SH3BP5: variants seen among roughly 807,000 people sequenced by gnomAD.
The protein encoded by SH3BP5 is SH3 domain-binding protein 5.
Under a neutral mutation model 43.3 loss-of-function variants are expected in SH3BP5, and 22 were observed. The observed-to-expected ratio is 0.51, with a 90% CI of 0.36 to 0.73. SH3BP5 has a LOEUF of 0.73. Among genes scored for constraint, SH3BP5 ranks in the 30% least tolerant of loss-of-function variants. SH3BP5 has a pLI of 0.00. For synonymous variants in SH3BP5, 255 were observed against 225.8 expected (o/e 1.13, Z -1.16); for missense variants, 529 against 586.9 (o/e 0.90, Z 1.02).
chr3:15,296,930 C>T (rs1697593761), intron 3 of SH3BP5, among the ~76,000 whole-genome samples: 1 of 151,392 alleles, frequency 6.6e-6, no homozygotes, highest in Non-Finnish European at 1.5e-5. Context: ...CTCCTGGGCT[C>T]AAGCAATCCT....
intron 2 of SH3BP5, among the ~76,000 whole-genome samples, chr3:15,307,637 G>C (rs1398014598): frequency 6.6e-6 from 1 of 152,216 alleles, no homozygotes; most frequent in African/African-American, 2.4e-5. Flanking sequence ...GGTATAAAAA[G>C]AGACCCTGAG....
chr3:15,282,845 C>T, intron 3 of SH3BP5, among the ~76,000 whole-genome samples: 1 of 151,958 alleles, frequency 6.6e-6, no homozygotes, highest in Admixed American at 6.6e-5. Context: ...ACCTGATTGG[C>T]AAGAGGTTAA....
chr3:15,306,549 G>A (rs1371671919), intron 2 of SH3BP5, among the ~76,000 whole-genome samples: 1 of 151,800 alleles, frequency 6.6e-6, no homozygotes, highest in East Asian at 1.9e-4. Context: ...AAGGGGAAGT[G>A]GATACTCCAA....
At chr3:15,258,640 G>C in intron 7 of SH3BP5, 191 bp downstream of exon 7, 1 of 577,094 alleles carries the variant, frequency 1.7e-6, no homozygotes. Context: ...ACAGAATCCT[G>C]ACTTTGAGGA....
intron 3 of SH3BP5, among the ~76,000 whole-genome samples, chr3:15,288,271 G>A (rs914694655): frequency 1.3e-5 from 2 of 152,260 alleles, no homozygotes; most frequent in East Asian, 1.9e-4. Context: ...AAACACCCTC[G>A]CAGTAACAAC....
rs559482302 is a variant in SH3BP5, at chr3:15,288,413, G to A, written c.330+15690C>T. Among the ~76,000 whole-genome samples, 55 of 152,300 alleles carry A rather than the reference G, an allele frequency of 3.6e-4. No homozygotes were observed. In the South Asian group the frequency reaches 6.2e-3, roughly 17 times the overall value. ...CTCACTTTGGTAAGATAATTCAGCC[G>A]GGAGGCAGTAGGGAGGGATGGAGGT... On this transcript the variant is annotated intron_variant, in intron 3 of 8. Transcript: ENST00000383791.
At position 15,292,576 on chromosome 3, in the gene SH3BP5, C is replaced by T. The variant is rs372800797; in HGVS notation, c.330+11527G>A. Reference sequence around the variant, plus strand: ...CAGAAAAGAAAACCTAAGCCAGGCGCGGTGGCTCATGCCTGTAATCCCAGC... The same window carrying T: ...CAGAAAAGAAAACCTAAGCCAGGCGTGGTGGCTCATGCCTGTAATCCCAGC... On this transcript the variant is annotated intron_variant, in intron 3 of 8. Transcript: ENST00000383791. 1.8e-4 allele frequency among the ~76,000 whole-genome samples: 27 copies of T among 152,260 alleles called. No homozygotes were observed. The East Asian group carries it at 2.3e-3, about 13-fold the overall frequency.
chr3:15,336,359 G>A (rs1202357504), upstream of SH3BP5, among the ~76,000 whole-genome samples: 1 of 152,114 alleles, frequency 6.6e-6, no homozygotes, highest in Non-Finnish European at 1.5e-5. Context: ...AGATGCTTTA[G>A]GTCATGGTAA....
intron 3 of SH3BP5, chr3:15,273,402 A>G (rs1475284919): frequency 3.0e-6 from 3 of 985,284 alleles, no homozygotes; most frequent in Non-Finnish European, 3.6e-6. Flanking sequence ...AGAGAACCAG[A>G]TCTCTACAAA....
At chr3:15,280,408 G>A (rs1036748645) in intron 3 of SH3BP5, among the ~76,000 whole-genome samples, 3 of 152,052 alleles carry the variant, frequency 2.0e-5, no homozygotes, top group African/African-American at 4.8e-5. Flanking sequence ...AGCACCCCAG[G>A]GTACCACCAC....
intron 2 of SH3BP5, among the ~76,000 whole-genome samples, chr3:15,314,900 C>T (rs1698148921): frequency 6.6e-6 from 1 of 152,172 alleles, no homozygotes; most frequent in Non-Finnish European, 1.5e-5. Flanking sequence ...AGACCTGCTA[C>T]TTCCTTCTGT....
At chr3:15,274,154 G>A (rs979892325) in intron 3 of SH3BP5, among the ~76,000 whole-genome samples, 3 of 152,018 alleles carry the variant, frequency 2.0e-5, no homozygotes, top group African/African-American at 7.3e-5. Context: ...GCTGAGGCAG[G>A]AGAATCACCT....
intron 2 of SH3BP5, among the ~76,000 whole-genome samples, chr3:15,305,739 C>T (rs898641500): frequency 3.3e-5 from 5 of 152,078 alleles, no homozygotes; most frequent in Admixed American, 6.5e-5. Context: ...GGCCGGAGGT[C>T]TGGAATGTGG....
intron 2 of SH3BP5, among the ~76,000 whole-genome samples, chr3:15,316,867 A>C (rs1248419470): frequency 6.6e-6 from 1 of 152,252 alleles, no homozygotes; most frequent in Non-Finnish European, 1.5e-5. Context: ...ACAACCCTGC[A>C]TGCACATAAG....
At position 15,296,876 on chromosome 3, in the gene SH3BP5, AAAAAG is replaced by A. The variant is rs1195210547; in HGVS notation, c.330+7222_330+7226del. 1.0e-3 allele frequency among the ~76,000 whole-genome samples: 156 copies of A among 149,880 alleles called. 2 individuals are homozygous for A. The highest frequency in any genetic ancestry group is 0.01 in the Middle Eastern group (3 of 294). ...GTCTGGCTTCTTAAAAAAAAAAAAA[AAAAAG>A]AAATGGTGTCTCACCATGTTGCCCA... On this transcript the variant is annotated intron_variant, in intron 3 of 8. Transcript: ENST00000383791.
At chr3:15,293,827 C>G (rs1271977949) in intron 3 of SH3BP5, among the ~76,000 whole-genome samples, 4 of 152,058 alleles carry the variant, frequency 2.6e-5, no homozygotes, top group Non-Finnish European at 5.9e-5. Context: ...CCTGTAATCC[C>G]AGCACTTTGG....
In SH3BP5 at chr3:15,262,275, C is replaced by T. The variant is rs776277025; in HGVS notation, c.510G>A (p.Glu170=). The part of the protein sequence containing the change: ...NHATQRVMEA[E]QTKTRSELVH... ...CCAGCTCGCTCCTGGTCTTGGTCTGCTCCGCCTCCATGACCTTAAAATGAC... is the reference window on the plus strand; with the variant it reads ...CCAGCTCGCTCCTGGTCTTGGTCTGTTCCGCCTCCATGACCTTAAAATGAC... The change falls in exon 5 of 9, where the codon GAG becomes GAA. Residue 170 remains glutamate, a synonymous_variant. Coordinates refer to ENST00000383791, the MANE Select transcript of SH3BP5 (RefSeq NM_004844.5). The T allele has an allele frequency of 1.2e-6, 2 of 1,614,186 alleles. No homozygotes were observed. Among genetic ancestry groups the T allele is most frequent in the Admixed American group, 1.7e-5 (1 of 60,030 alleles).
rs560723308 is a variant in SH3BP5 at position 15,269,631 on chromosome 3, T to G, written c.495+82A>C. 7.2e-6 allele frequency: 10 copies of G among 1,390,666 alleles called. No individual in the cohort carries two copies. The South Asian group carries it at 1.5e-4, about 21-fold the overall frequency. 86.1% of individuals were successfully genotyped at this position (1,390,666 alleles called of 1,614,324 possible). On this transcript the variant is annotated intron_variant, in intron 4 of 8. Coordinates refer to ENST00000383791, the MANE Select transcript of SH3BP5 (RefSeq NM_004844.5). ...TGTTTTCAGGCAACATGCCTGGGAG[T>G]CGAGTCTGTTACCTCCGCTCAGGGG...
chr3:15,320,948 A>T (rs1489470404), intron 2 of SH3BP5, among the ~76,000 whole-genome samples: 1 of 152,234 alleles, frequency 6.6e-6, no homozygotes, highest in Non-Finnish European at 1.5e-5. Context: ...CTGAGGGGCC[A>T]GAAGAGTTTG....
Sources: gnomAD v4.1 joint callset for allele counts (sites outside exome capture counted in the v4.1 genomes callset) on GRCh38, gnomAD v4.1.1 for gene constraint, MANE v1.5 for transcripts, NCBI Gene and HGNC (gene_info 2026-07-23, HGNC 2026-07-21) for gene names.